STK24: variants seen among roughly 807,000 people sequenced by gnomAD.
The protein encoded by STK24 is serine/threonine kinase 24.
A neutral mutation model predicts 55.6 loss-of-function variants in STK24; 21 were observed. The observed-to-expected ratio is 0.38, with a 90% CI of 0.27 to 0.54. The LOEUF (loss-of-function observed/expected upper bound fraction) is 0.54. Ranked by LOEUF, STK24 falls within the 20% of genes least tolerant of loss-of-function variation. The pLI, the probability that STK24 is intolerant of heterozygous loss-of-function variation, is 0.79. For missense variants in STK24, 383 were observed against 538.4 expected (o/e 0.71, Z 2.86); for synonymous variants, 200 against 215.2 (o/e 0.93, Z 0.62).
chr13:98,458,075 A>G (rs1893541242), intron 9 of STK24, among the ~76,000 whole-genome samples: 1 of 152,224 alleles, frequency 6.6e-6, no homozygotes, highest in Non-Finnish European at 1.5e-5. Context: ...TGTGATCCAG[A>G]GTAGAGTCAA....
At chr13:98,531,067 T>C (rs1896567989) in intron 1 of STK24, among the ~76,000 whole-genome samples, 1 of 152,144 alleles carries the variant, frequency 6.6e-6, no homozygotes, top group Admixed American at 6.5e-5. Context: ...TGCAAACAAA[T>C]AAAATACCCT....
chr13:98,522,213 G>A (rs969182872), intron 1 of STK24: 5 of 478,320 alleles, frequency 1.0e-5, no homozygotes, highest in Non-Finnish European at 1.4e-5. Context: ...GCTTCTTCCA[G>A]TCCCTCTAGT....
intron 2 of STK24, among the ~76,000 whole-genome samples, chr13:98,512,020 G>A (rs2139367189): frequency 6.6e-6 from 1 of 151,458 alleles, no homozygotes; most frequent in African/African-American, 2.4e-5. Context: ...AATTAGCTGT[G>A]ACTACAGGTG....
At chr13:98,576,048 AG>A in intron 1 of STK24, 1 of 985,054 alleles carries the variant, frequency 1.0e-6, no homozygotes, top group Non-Finnish European at 1.2e-6. Flanking sequence ...CAAGTCTCAA[AG>A]TGAAAGTCCA....
At chr13:98,561,103 A>T (rs1444934676) in intron 1 of STK24, among the ~76,000 whole-genome samples, 1 of 152,166 alleles carries the variant, frequency 6.6e-6, no homozygotes, top group African/African-American at 2.4e-5. Flanking sequence ...TTTCGAATAC[A>T]ACTGGGCAAG....
chr13:98,575,777 C>T (rs1897874571), intron 1 of STK24, among the ~76,000 whole-genome samples: 1 of 152,052 alleles, frequency 6.6e-6, no homozygotes, highest in Non-Finnish European at 1.5e-5. Context: ...CTAACTGCAT[C>T]CTAAGATTTC....
intron 1 of STK24, among the ~76,000 whole-genome samples, chr13:98,530,907 A>G (rs565032118): frequency 4.6e-5 from 7 of 152,206 alleles, no homozygotes; most frequent in Non-Finnish European, 7.3e-5. Flanking sequence ...CATAACTCTT[A>G]ACTGAGAATA....
intron 1 of STK24, chr13:98,542,716 C>G: frequency 2.0e-6 from 1 of 498,480 alleles, no homozygotes; most frequent in South Asian, 8.6e-5. Flanking sequence ...TCCCTTGTTC[C>G]TGGAGTGAAA....
chr13:98,523,968 G>A lies in STK24; in HGVS notation c.43-4495C>T, dbSNP rs551197604. 2.6e-5 allele frequency among the ~76,000 whole-genome samples: 4 copies of A among 152,258 alleles called. No homozygotes were observed. In the East Asian group the frequency reaches 7.7e-4, roughly 29 times the overall value. On this transcript the variant is annotated intron_variant, in intron 1 of 10. Coordinates refer to ENST00000539966, the MANE Select transcript of STK24 (RefSeq NM_001032296.4). Reference sequence around the variant, plus strand: ...CTGCCCTCTTTGAAGAGGAGTCTCTGTGGCCGCCCCACTCTTCCTGTCCCA... The same window carrying A: ...CTGCCCTCTTTGAAGAGGAGTCTCTATGGCCGCCCCACTCTTCCTGTCCCA...
intron 1 of STK24, among the ~76,000 whole-genome samples, chr13:98,535,370 A>AAAAT (rs1555310068): frequency 8.9e-5 from 5 of 55,900 alleles, no homozygotes; most frequent in Admixed American, 3.1e-4. Context: ...ACAAAAAAAA[A>AAAAT]ATATATATAT....
chr13:98,550,047 A>T (rs1161974469), intron 1 of STK24, among the ~76,000 whole-genome samples: 1 of 152,216 alleles, frequency 6.6e-6, no homozygotes, highest in Non-Finnish European at 1.5e-5. Flanking sequence ...CGTCTGCAGC[A>T]TACTACTAGC....
At chr13:98,475,010 G>A (rs1894309559) in intron 4 of STK24, 32 bp from the exon 5 acceptor site, 6 of 1,581,242 alleles carry the variant, frequency 3.8e-6, no homozygotes, top group Non-Finnish European at 4.3e-6. Context: ...GCCCTGGGCG[G>A]TGCGGACTTA....
intron 1 of STK24, among the ~76,000 whole-genome samples, chr13:98,546,292 C>T (rs1192651495): frequency 2.0e-5 from 3 of 151,558 alleles, no homozygotes; most frequent in African/African-American, 7.2e-5. Context: ...ATCTGGTGAG[C>T]AGTTCAGGCA....
chr13:98,465,008 T>G (rs1016233026), intron 6 of STK24, among the ~76,000 whole-genome samples: 1 of 152,114 alleles, frequency 6.6e-6, no homozygotes, highest in Admixed American at 6.5e-5. Context: ...GTGATTGGGC[T>G]GAGGACTTCA....
At chr13:98,464,864 T>A (rs1426394099) in intron 6 of STK24, among the ~76,000 whole-genome samples, 1 of 152,178 alleles carries the variant, frequency 6.6e-6, no homozygotes, top group African/African-American at 2.4e-5. Flanking sequence ...CAATTTGGAA[T>A]TATCTCAGAG....
chr13:98,446,061 G>C lies in STK24; in HGVS notation c.*7112C>G. On this transcript the variant is annotated 3_prime_UTR_variant, in exon 11 of 11. Transcript: ENST00000539966. ...CTCTCTGTGCCCTCCTGGGGCAGGT[G>C]CCCGCTGTGCTTCTCACAGGCCTCC... The C allele has an allele frequency of 7.1e-7, 1 of 1,414,000 alleles. No homozygotes were observed. Among genetic ancestry groups the C allele is most frequent in the Non-Finnish European group, 1.0e-6 (1 of 998,938 alleles). The allele number at this position is 1,414,000 out of a possible 1,614,324, so 87.6% of individuals were successfully genotyped here. A position where few individuals can be genotyped will look rare whatever the true frequency, so the allele number is the denominator to read the frequency against.
At chr13:98,545,981 G>A (rs150913700) in intron 1 of STK24, among the ~76,000 whole-genome samples, 7 of 152,176 alleles carry the variant, frequency 4.6e-5, no homozygotes, top group African/African-American at 1.4e-4. Flanking sequence ...GAAATTGGGA[G>A]ATCACAGGAA....
chr13:98,458,250 T>G (rs1310894098), intron 9 of STK24, among the ~76,000 whole-genome samples: 1 of 152,110 alleles, frequency 6.6e-6, no homozygotes, highest in African/African-American at 2.4e-5. Flanking sequence ...AAACGTGAAC[T>G]GTGAAAATAA....
chr13:98,475,527 C>T (rs1894334520), intron 3 of STK24, among the ~76,000 whole-genome samples, 169 bp from the exon 4 acceptor site: 1 of 152,162 alleles, frequency 6.6e-6, no homozygotes, highest in Admixed American at 6.5e-5. Flanking sequence ...ACTGAGGGAC[C>T]CTTAAAAAAA....
Sources: allele counts gnomAD v4.1 joint callset (sites outside exome capture counted in the v4.1 genomes callset), GRCh38; gene constraint gnomAD v4.1.1; transcripts MANE v1.5; gene names NCBI Gene and HGNC (gene_info 2026-07-23, HGNC 2026-07-21).